The following NRXN3 variants were observed in gnomAD, a reference collection of about 807,000 sequenced individuals.
The protein encoded by NRXN3 is neurexin III.
In NRXN3, 32 loss-of-function variants were observed where a neutral mutation model predicts 137.6. The observed-to-expected ratio is 0.23, with a 90% CI of 0.18 to 0.31. The LOEUF is 0.31. Ranked by LOEUF, NRXN3 falls within the 10% of genes least tolerant of loss-of-function variation. The probability of loss-of-function intolerance (pLI) is 1.00; values close to 1 mark genes in which losing one functional copy is unlikely to be tolerated. For synonymous variants in NRXN3, 798 were observed against 784.5 expected, an observed-to-expected ratio of 1.02 and a Z score of -0.29; for missense variants, 1,574 against 2,062.5, an observed-to-expected ratio of 0.76 and a Z score of 4.59.
chr14:78,588,291 A>G (rs1001134779), intron 4 of NRXN3, among the ~76,000 whole-genome samples: 4 of 152,336 alleles, frequency 2.6e-5, no homozygotes, highest in East Asian at 1.9e-4. Flanking sequence ...CACCCTCATC[A>G]TGTTATACCT....
chr14:78,585,764 G>A (rs1007346125), intron 4 of NRXN3, among the ~76,000 whole-genome samples: 2 of 152,136 alleles, frequency 1.3e-5, no homozygotes, highest in South Asian at 4.1e-4. Context: ...GAGAGATGCA[G>A]TTTTAGGGGA....
chr14:79,247,936 A>T (rs1424968808), intron 15 of NRXN3, among the ~76,000 whole-genome samples: 1 of 152,056 alleles, frequency 6.6e-6, no homozygotes, highest in African/African-American at 2.4e-5. Flanking sequence ...ACCACTTGTT[A>T]TCTATCACCC....
At chr14:78,528,011 A>G (rs958626976) in intron 4 of NRXN3, among the ~76,000 whole-genome samples, 1 of 152,256 alleles carries the variant, frequency 6.6e-6, no homozygotes, top group African/African-American at 2.4e-5. Context: ...TAGCATATCC[A>G]TGAGTGTGTT....
At chr14:79,522,135 C>A (rs542794074) in intron 16 of NRXN3, among the ~76,000 whole-genome samples, 1 of 152,090 alleles carries the variant, frequency 6.6e-6, no homozygotes, top group Non-Finnish European at 1.5e-5. Flanking sequence ...TGAAAAAAAT[C>A]ATGGTACTTC....
At chr14:78,591,529 T>C (rs909810476) in intron 4 of NRXN3, among the ~76,000 whole-genome samples, 18 of 152,164 alleles carry the variant, frequency 1.2e-4, no homozygotes, top group African/African-American at 4.1e-4. Flanking sequence ...CTCACAATTA[T>C]GTCAATCATA....
intron 2 of NRXN3, among the ~76,000 whole-genome samples, chr14:78,244,445 A>C (rs1000355063): frequency 1.3e-5 from 2 of 151,964 alleles, no homozygotes; most frequent in Non-Finnish European, 2.9e-5. Context: ...AAAAAAAAAA[A>C]AAAGAAAAGA....
intron 15 of NRXN3, among the ~76,000 whole-genome samples, chr14:79,122,836 C>G (rs2055686164): frequency 1.3e-5 from 2 of 152,166 alleles, no homozygotes; most frequent in African/African-American, 4.8e-5. Context: ...AGTTTCTCAC[C>G]TGTAAAATTC....
chr14:78,475,098 A>C (rs1338887154), intron 4 of NRXN3, among the ~76,000 whole-genome samples: 2 of 152,210 alleles, frequency 1.3e-5, no homozygotes, highest in East Asian at 3.8e-4. Context: ...GCAAGAGTTT[A>C]ACCGATAGAG....
rs2098819092 is a variant in NRXN3 at position 78,795,574 on chromosome 14, A to G, written c.2045-8046A>G. The stretch of plus-strand genomic sequence containing the variant: ...GTGTTTTAAAATGACACAATGATTA[A>G]ATAAAATTAATTATATCCTCTAGAA... On this transcript the variant is annotated intron_variant, in intron 8 of 20. Transcript: ENST00000335750. Among the ~76,000 whole-genome samples the G allele has an allele frequency of 2.2e-4, 3 of 13,430 alleles. 1 individual carries two copies. Among genetic ancestry groups the G allele is most frequent in the Admixed American group, 3.5e-3 (2 of 572 alleles). 8.8% of individuals were successfully genotyped at this position (13,430 alleles called of 152,430 possible). A position where few individuals can be genotyped will look rare whatever the true frequency, so the allele number is the denominator to read the frequency against.
intron 10 of NRXN3, among the ~76,000 whole-genome samples, chr14:78,879,610 T>A (rs1222350970): frequency 2.6e-5 from 4 of 152,224 alleles, no homozygotes; most frequent in Non-Finnish European, 4.4e-5. Flanking sequence ...ATTCTTTATA[T>A]ATTTTAGATA....
intron 10 of NRXN3, among the ~76,000 whole-genome samples, chr14:78,815,479 C>CATTTTTTTTTTTTTTTT (rs758009787): frequency 1.2e-5 from 1 of 84,436 alleles, no homozygotes; most frequent in African/African-American, 4.2e-5. Context: ...TTGTTTCTTT[C>CATTTTTTTTTTTTTTTT]TTTTTTTTTT....
intron 1 of NRXN3, among the ~76,000 whole-genome samples, chr14:78,173,652 T>G (rs1460895018): frequency 7.3e-6 from 1 of 137,782 alleles, no homozygotes; most frequent in Non-Finnish European, 1.6e-5. Flanking sequence ...CTTTCCATCT[T>G]CATGAAAAAA....
intron 1 of NRXN3, among the ~76,000 whole-genome samples, chr14:78,185,006 A>G (rs543940667): frequency 5.9e-5 from 9 of 152,222 alleles, no homozygotes; most frequent in African/African-American, 2.2e-4. Context: ...AGAGAGAAGA[A>G]GGGAATGCCT....
intron 16 of NRXN3, among the ~76,000 whole-genome samples, chr14:79,658,039 A>G (rs2098514844): frequency 6.6e-6 from 1 of 152,190 alleles, no homozygotes; most frequent in South Asian, 2.1e-4. Flanking sequence ...AATACTCACA[A>G]TTAGGCTAAG....
intron 15 of NRXN3, among the ~76,000 whole-genome samples, chr14:79,128,803 G>A (rs1380174543): frequency 1.3e-5 from 2 of 151,822 alleles, no homozygotes; most frequent in Non-Finnish European, 2.9e-5. Flanking sequence ...AATCCATCTG[G>A]TCCTGGACTC....
intron 10 of NRXN3, among the ~76,000 whole-genome samples, chr14:78,855,486 T>C (rs1261622339): frequency 6.6e-6 from 1 of 152,180 alleles, no homozygotes; most frequent in Non-Finnish European, 1.5e-5. Context: ...CTATGTGTTA[T>C]ACCTGTGTTT....
intron 15 of NRXN3, among the ~76,000 whole-genome samples, chr14:79,274,160 G>A (rs1234776003): frequency 3.3e-5 from 5 of 149,750 alleles, no homozygotes. Context: ...CAGCTAACAA[G>A]CAGAATCAGG....
At chr14:78,433,927 A>G (rs1254781532) in intron 4 of NRXN3, among the ~76,000 whole-genome samples, 1 of 152,168 alleles carries the variant, frequency 6.6e-6, no homozygotes, top group Non-Finnish European at 1.5e-5. Context: ...CAACGAGGTG[A>G]TGTCCTGACA....
At chr14:78,787,393 A>G (rs573364134) in intron 8 of NRXN3, among the ~76,000 whole-genome samples, 87 of 152,308 alleles carry the variant, frequency 5.7e-4, no homozygotes, top group Middle Eastern at 3.4e-3. Context: ...TAACCACTAG[A>G]TTAGATAAGA....
Sources: allele counts gnomAD v4.1 joint callset (sites outside exome capture counted in the v4.1 genomes callset), GRCh38; gene constraint gnomAD v4.1.1; transcripts MANE v1.5; gene names NCBI Gene and HGNC (gene_info 2026-07-23, HGNC 2026-07-21).